Variants in SLC26A5 observed in about 807,000 individuals in gnomAD.
SLC26A5 encodes the protein prestin.
Under a neutral mutation model 81.0 loss-of-function variants are expected in SLC26A5, and 51 were observed. The ratio of observed to expected loss-of-function variants is 0.63; its 90% CI spans 0.50 to 0.80. SLC26A5 has a LOEUF of 0.80. Ranked by LOEUF, SLC26A5 falls within the 30% of genes least tolerant of loss-of-function variation. The probability of loss-of-function intolerance (pLI) is 0.00; values close to 1 mark genes in which losing one functional copy is unlikely to be tolerated. For missense variants in SLC26A5, 771 were observed against 905.8 expected (o/e 0.85, Z 1.91); for synonymous variants, 325 against 332.8 (o/e 0.98, Z 0.25).
At chr7:103,388,620 G>A (rs1012217305) in intron 14 of SLC26A5, 4 of 346,946 alleles carry the variant, frequency 1.2e-5, no homozygotes, top group Admixed American at 3.8e-5. Flanking sequence ...GAATGCATAC[G>A]ATAACTTGGT....
chr7:103,395,403 G>A (rs1266998391), intron 9 of SLC26A5, among the ~76,000 whole-genome samples: 1 of 131,494 alleles, frequency 7.6e-6, no homozygotes, highest in African/African-American at 2.8e-5. Flanking sequence ...GTATGTTTGA[G>A]TACAATGCAA....
Position 103,376,870 on chromosome 7 carries a change from A to C in SLC26A5, c.1987-8T>G, listed in dbSNP as rs1821391690. On this transcript the variant is annotated splice_polypyrimidine_tract_variant and splice_region_variant and intron_variant, in intron 18 of 19. Coordinates refer to ENST00000306312, the MANE Select transcript of SLC26A5 (RefSeq NM_198999.3). Reference sequence around the variant, plus strand: ...TCCATATTCTTTTACAATCTGTAATAATGTTGAAATAAAATTTAGTTTCTC... The same window carrying C: ...TCCATATTCTTTTACAATCTGTAATCATGTTGAAATAAAATTTAGTTTCTC... 1 of 1,579,206 alleles carries C rather than the reference A, an allele frequency of 6.3e-7. No homozygotes were observed. Among genetic ancestry groups the C allele is most frequent in the Non-Finnish European group, 8.7e-7 (1 of 1,148,924 alleles).
At chr7:103,432,380 G>T (rs57002370) in intron 2 of SLC26A5, among the ~76,000 whole-genome samples, 6,104 of 152,110 alleles carry the variant, frequency 0.04, 205 homozygotes, top group East Asian at 0.18. Flanking sequence ...TCCTGTCATT[G>T]TGTGCTTTAA....
At chr7:103,364,709 G>C (rs1044646511) in intron 19 of SLC26A5, among the ~76,000 whole-genome samples, 4 of 151,868 alleles carry the variant, frequency 2.6e-5, no homozygotes, top group African/African-American at 9.7e-5. Flanking sequence ...CGCCCGGCCT[G>C]AGACCTGAAA....
At chr7:103,416,529 T>C (rs1343439080) in intron 4 of SLC26A5, among the ~76,000 whole-genome samples, 1 of 152,216 alleles carries the variant, frequency 6.6e-6, no homozygotes, top group East Asian at 1.9e-4. Context: ...TGTGGGAGCC[T>C]GAGTGTATTG....
intron 9 of SLC26A5, among the ~76,000 whole-genome samples, chr7:103,396,925 T>A (rs1182311283): frequency 6.6e-6 from 1 of 150,432 alleles, no homozygotes; most frequent in East Asian, 2.0e-4. Flanking sequence ...TGAAACCCTG[T>A]CTCTACTAAA....
chr7:103,361,405 G>A (rs1009483990), intron 19 of SLC26A5, among the ~76,000 whole-genome samples: 2 of 150,114 alleles, frequency 1.3e-5, no homozygotes, highest in African/African-American at 4.9e-5. Context: ...AGCTACTCGG[G>A]AGGCTGAGGC....
At chr7:103,419,338 C>T (rs1249289939) in intron 4 of SLC26A5, among the ~76,000 whole-genome samples, 1 of 152,142 alleles carries the variant, frequency 6.6e-6, no homozygotes, top group African/African-American at 2.4e-5. Context: ...ACTCTGCAGG[C>T]CTACTTCTGC....
chr7:103,413,202 A>T, intron 4 of SLC26A5, 90 bp from the exon 5 acceptor site: 2 of 863,826 alleles, frequency 2.3e-6, no homozygotes, highest in Non-Finnish European at 3.8e-6. Context: ...ATTTCTGATG[A>T]ACGAGTGAAG....
intron 17 of SLC26A5, 129 bp from the exon 18 acceptor site, chr7:103,377,928 T>G (rs973558833): frequency 6.0e-6 from 5 of 834,478 alleles, no homozygotes; most frequent in Non-Finnish European, 9.9e-6. Flanking sequence ...CCTTGTAAAA[T>G]ATTTGTCATA....
intron 2 of SLC26A5, among the ~76,000 whole-genome samples, chr7:103,436,297 A>C (rs1248793170): frequency 6.6e-6 from 1 of 152,028 alleles, no homozygotes; most frequent in Non-Finnish European, 1.5e-5. Flanking sequence ...AGGTCCAGAG[A>C]CCCCTGAGAA....
At chr7:103,443,657 T>C (rs1273882372) in intron 1 of SLC26A5, among the ~76,000 whole-genome samples, 1 of 152,244 alleles carries the variant, frequency 6.6e-6, no homozygotes, top group Non-Finnish European at 1.5e-5. Context: ...TAGGCTAATC[T>C]GTCTTCAGTC....
intron 2 of SLC26A5, among the ~76,000 whole-genome samples, chr7:103,423,692 C>T (rs1029980970): frequency 6.6e-6 from 1 of 152,174 alleles, no homozygotes; most frequent in Non-Finnish European, 1.5e-5. Context: ...ATCTTGGAAG[C>T]AGAGACACCT....
intron 19 of SLC26A5, chr7:103,354,855 C>T (rs756049911): frequency 9.5e-6 from 15 of 1,583,412 alleles, no homozygotes; most frequent in African/African-American, 1.4e-5. Context: ...CTAAACTGAC[C>T]TTCATCACCT....
intron 2 of SLC26A5, among the ~76,000 whole-genome samples, chr7:103,429,704 A>G (rs887692972): frequency 3.9e-5 from 6 of 152,242 alleles, no homozygotes; most frequent in African/African-American, 1.4e-4. Context: ...CCTAAGACCT[A>G]TGCAAGCTGG....
At chr7:103,391,122 C>G (rs182844314) in intron 11 of SLC26A5, among the ~76,000 whole-genome samples, 31 of 152,290 alleles carry the variant, frequency 2.0e-4, no homozygotes, top group South Asian at 4.1e-4. Context: ...CTTGGCCTCC[C>G]AGAGTGCTGC....
chr7:103,426,604 A>G (rs569861769), intron 2 of SLC26A5, among the ~76,000 whole-genome samples: 1 of 152,286 alleles, frequency 6.6e-6, no homozygotes, highest in Non-Finnish European at 1.5e-5. Context: ...GCTATAATCT[A>G]TGTCCTTTTT....
At chr7:103,410,263 C>G in intron 7 of SLC26A5, 122 bp downstream of exon 7, 3 of 874,014 alleles carry the variant, frequency 3.4e-6, no homozygotes, top group South Asian at 1.5e-5. Context: ...GAATTTTTCC[C>G]TTTTTATGGA....
chr7:103,442,907 T>G (rs924733708), intron 2 of SLC26A5, among the ~76,000 whole-genome samples, 176 bp downstream of exon 2: 1 of 152,232 alleles, frequency 6.6e-6, no homozygotes, highest in African/African-American at 2.4e-5. Context: ...TGATCCAAGT[T>G]AAAAGGTAAG....
Sources: allele counts gnomAD v4.1 joint callset (sites outside exome capture counted in the v4.1 genomes callset), GRCh38; gene constraint gnomAD v4.1.1; transcripts MANE v1.5; gene names NCBI Gene and HGNC (gene_info 2026-07-23, HGNC 2026-07-21).